The following PLEKHA2 variants were observed in gnomAD, a reference collection of about 807,000 sequenced individuals.
PLEKHA2 encodes pleckstrin homology domain-containing family A member 2.
In PLEKHA2, 28 loss-of-function variants were observed where a neutral mutation model predicts 53.2. That is an observed-to-expected ratio of 0.53 (90% CI 0.39 to 0.72). The LOEUF is 0.72. PLEKHA2 is among the 30% of genes least tolerant of loss of function. PLEKHA2 has a pLI of 0.00. For synonymous variants in PLEKHA2, 193 were observed against 196.4 expected (o/e 0.98, Z 0.14); for missense variants, 426 against 537.9 (o/e 0.79, Z 2.06).
chr8:38,902,305 C>T (rs1798094782), intron 1 of PLEKHA2, among the ~76,000 whole-genome samples: 1 of 152,026 alleles, frequency 6.6e-6, no homozygotes, highest in Admixed American at 6.5e-5. Flanking sequence ...CCGCTGCGGC[C>T]GGAGCACCCT....
intron 1 of PLEKHA2, among the ~76,000 whole-genome samples, chr8:38,914,616 TG>T (rs1312671942): frequency 6.6e-6 from 1 of 152,148 alleles, no homozygotes. Flanking sequence ...GGCTCAGCAG[TG>T]GGTGGGGTCT....
chr8:38,940,093 TAAA>T (rs71216698), intron 3 of PLEKHA2, among the ~76,000 whole-genome samples: 2,026 of 106,596 alleles, frequency 0.019, 37 homozygotes, highest in African/African-American at 0.054. Flanking sequence ...CCCTATCTCT[TAAA>T]AAAAAAAAAA....
chr8:38,929,628 G>A (rs1461139295), intron 2 of PLEKHA2, among the ~76,000 whole-genome samples: 2 of 152,166 alleles, frequency 1.3e-5, no homozygotes, highest in Non-Finnish European at 2.9e-5. Context: ...AGGATTAGGC[G>A]ACCACATGTG....
chr8:38,924,296 G>T (rs1225496561), intron 2 of PLEKHA2, among the ~76,000 whole-genome samples: 2 of 152,146 alleles, frequency 1.3e-5, no homozygotes, highest in Non-Finnish European at 2.9e-5. Context: ...GGGCATTTAG[G>T]GTCGTCAGGG....
chr8:38,929,222 G>C (rs1367509574), intron 2 of PLEKHA2, among the ~76,000 whole-genome samples: 1 of 152,144 alleles, frequency 6.6e-6, no homozygotes, highest in Non-Finnish European at 1.5e-5. Flanking sequence ...GCTTTTTACT[G>C]TCTGCTGGAC....
At chr8:38,925,224 T>C (rs1301505805) in intron 2 of PLEKHA2, among the ~76,000 whole-genome samples, 1 of 152,234 alleles carries the variant, frequency 6.6e-6, no homozygotes, top group Non-Finnish European at 1.5e-5. Flanking sequence ...TACAATATTA[T>C]GGCACTAGCG....
chr8:38,952,387 T>G (rs1588269780), intron 7 of PLEKHA2, 75 bp downstream of exon 7: 1 of 1,543,342 alleles, frequency 6.5e-7, no homozygotes, highest in Non-Finnish European at 8.8e-7. Flanking sequence ...ATAGCAGAGG[T>G]GAGAGGGGAT....
intron 6 of PLEKHA2, 84 bp downstream of exon 6, chr8:38,951,074 C>A: frequency 4.5e-6 from 3 of 661,786 alleles, no homozygotes; most frequent in Non-Finnish European, 6.0e-6. Context: ...GAGCACTGTA[C>A]TGGGGAAAAG....
chr8:38,947,946 G>C (rs993429274), intron 5 of PLEKHA2, among the ~76,000 whole-genome samples: 15 of 151,128 alleles, frequency 9.9e-5, no homozygotes, highest in African/African-American at 3.7e-4. Context: ...AACTAGCTGG[G>C]CATGTTGGCA....
At chr8:38,958,004 CGTGGTGATGCTG>C (rs1254735370) in intron 10 of PLEKHA2, among the ~76,000 whole-genome samples, 2 of 152,190 alleles carry the variant, frequency 1.3e-5, no homozygotes, top group African/African-American at 2.4e-5. Context: ...TTCGCAGCCC[CGTGGTGATGCTG>C]GACTTTTAGT....
intron 10 of PLEKHA2, among the ~76,000 whole-genome samples, chr8:38,963,356 T>G (rs1835073923): frequency 1.3e-5 from 2 of 152,236 alleles, no homozygotes; most frequent in African/African-American, 4.8e-5. Flanking sequence ...AGTATGTTTT[T>G]AGTCTCATGG....
intron 2 of PLEKHA2, among the ~76,000 whole-genome samples, chr8:38,933,025 G>C (rs574431990): frequency 1.3e-5 from 2 of 152,218 alleles, no homozygotes. Context: ...CAGCCCTTGA[G>C]GGGCAGAGGG....
At position 38,969,636 on chromosome 8, in the gene PLEKHA2, C is replaced by G. The variant is rs1314431637; in HGVS notation, c.1131C>G (p.Ser377=). 1.2e-6 allele frequency: 2 copies of G among 1,602,388 alleles called. No homozygotes were observed. Among genetic ancestry groups the G allele is most frequent in the East Asian group, 4.5e-5 (2 of 44,332 alleles). ...LLPPGDTSED[S]LFTPRPGEGS... ...CACCTGGAGACACTTCAGAGGACTC[C>G]TTGTTCACGCCTCGTCCTGGGGAGG... The change falls in exon 12 of 12, where the codon TCC becomes TCG. Residue 377 remains serine, a synonymous_variant. Coordinates refer to ENST00000617275, the MANE Select transcript of PLEKHA2 (RefSeq NM_021623.2).
intron 2 of PLEKHA2, among the ~76,000 whole-genome samples, chr8:38,919,970 TC>T (rs2152368935): frequency 6.6e-6 from 1 of 152,200 alleles, no homozygotes; most frequent in East Asian, 1.9e-4. Flanking sequence ...TTTGCTCTTT[TC>T]TTTTCTCTCT....
At chr8:38,968,486 C>A in intron 10 of PLEKHA2, 106 bp from the exon 11 acceptor site, 1 of 1,042,354 alleles carries the variant, frequency 9.6e-7, no homozygotes. Context: ...GGGATGCTTT[C>A]TACCCCTAAT....
rs113911219 is a variant in PLEKHA2, at chr8:38,954,987, T to C, written c.773+1620T>C. 6.0e-3 allele frequency among the ~76,000 whole-genome samples: 912 copies of C among 152,332 alleles called. 13 individuals are homozygous for C. The highest frequency in any genetic ancestry group is 0.021 in the African/African-American group (867 of 41,562). On this transcript the variant is annotated intron_variant, in intron 9 of 11. Coordinates refer to ENST00000617275, the MANE Select transcript of PLEKHA2 (RefSeq NM_021623.2). ...AGGCGGAGGTTGCAGTGAGCCAAGA[T>C]CGTGCCACTGCACTCCAGCCTGGGC...
intron 2 of PLEKHA2, among the ~76,000 whole-genome samples, chr8:38,924,013 G>A (rs541833002): frequency 1.3e-5 from 2 of 152,088 alleles, no homozygotes; most frequent in South Asian, 2.1e-4. Flanking sequence ...CACCATGCCC[G>A]GCTACTTTTT....
chr8:38,943,441 G>A (rs1335509917), intron 3 of PLEKHA2, among the ~76,000 whole-genome samples: 2 of 152,052 alleles, frequency 1.3e-5, no homozygotes, highest in Admixed American at 6.6e-5. Context: ...AGCTATGATT[G>A]CACCACTGTA....
rs1835213657 is a variant in PLEKHA2 at position 38,969,838 on chromosome 8, C to T, written c.*55C>T. ...GGAGGGAGGACTTGAGAGAAGGAGG[C>T]TGTGACTCAGTTTCTCTACCTTGTT... On this transcript the variant is annotated 3_prime_UTR_variant, in exon 12 of 12. Transcript: ENST00000617275. 2.6e-6 allele frequency: 4 copies of T among 1,537,050 alleles called. No individual in the cohort carries two copies. Among genetic ancestry groups the T allele is most frequent in the Admixed American group, 4.3e-5 (2 of 46,680 alleles).
Sources: allele counts gnomAD v4.1 joint callset (sites outside exome capture counted in the v4.1 genomes callset), GRCh38; gene constraint gnomAD v4.1.1; transcripts MANE v1.5; gene names NCBI Gene and HGNC (gene_info 2026-07-23, HGNC 2026-07-21).